The following PSMD1 variants were observed in gnomAD, a reference collection of about 807,000 sequenced individuals.
The protein encoded by PSMD1 is proteasome 26S subunit, non-ATPase 1, also known as 26S proteasome non-ATPase regulatory subunit 1.
In PSMD1, 18 loss-of-function variants were observed where a neutral mutation model predicts 119.0. The observed-to-expected ratio is 0.15, with a 90% CI of 0.10 to 0.22. The LOEUF (loss-of-function observed/expected upper bound fraction) is 0.22, where lower values mean the gene tolerates loss of function less well. PSMD1 is among the 10% of genes least tolerant of loss of function. The pLI is 1.00. For synonymous variants in PSMD1, 374 were observed against 396.6 expected, an observed-to-expected ratio of 0.94 and a Z score of 0.68; for missense variants, 702 against 1,158.5, an observed-to-expected ratio of 0.61 and a Z score of 5.72.
chr2:231,144,783 C>G (rs1050420636), intron 17 of PSMD1, among the ~76,000 whole-genome samples: 1 of 152,078 alleles, frequency 6.6e-6, no homozygotes, highest in Non-Finnish European at 1.5e-5. Flanking sequence ...AGTACTTACT[C>G]GACTTTGGGC....
intron 16 of PSMD1, among the ~76,000 whole-genome samples, chr2:231,117,353 A>C (rs1695378370): frequency 5.3e-5 from 8 of 152,112 alleles, no homozygotes; most frequent in Admixed American, 5.2e-4. Flanking sequence ...AATGGAAAGA[A>C]AGAAATGTGT....
At chr2:231,057,337 C>CT (rs1030163324) in intron 1 of PSMD1, among the ~76,000 whole-genome samples, 18 of 152,308 alleles carry the variant, frequency 1.2e-4, no homozygotes, top group African/African-American at 4.3e-4. Flanking sequence ...AAGGGCTTAC[C>CT]TTTTTTCTGT....
chr2:231,165,456 T>C (rs559586444), intron 22 of PSMD1, among the ~76,000 whole-genome samples, 170 bp downstream of exon 22: 2 of 152,128 alleles, frequency 1.3e-5, no homozygotes, highest in Non-Finnish European at 2.9e-5. Flanking sequence ...CTCGAAAATA[T>C]ATCCATTTGT....
intron 16 of PSMD1, chr2:231,108,749 A>T: frequency 6.2e-7 from 1 of 1,614,114 alleles, no homozygotes; most frequent in Non-Finnish European, 8.5e-7. Context: ...GAGAGTTTTT[A>T]CTGACTTTGT....
intron 16 of PSMD1, chr2:231,123,941 C>CT: frequency 1.6e-6 from 1 of 641,456 alleles, no homozygotes; most frequent in Non-Finnish European, 2.8e-6. Flanking sequence ...ATACACACAT[C>CT]TGTCCATGTT....
intron 16 of PSMD1, among the ~76,000 whole-genome samples, chr2:231,100,398 T>C (rs930193005): frequency 2.0e-5 from 3 of 152,132 alleles, no homozygotes; most frequent in African/African-American, 7.2e-5. Flanking sequence ...CTAAACTAAT[T>C]CTGATTGGCT....
chr2:231,107,977 A>AAACAGTTTCCTG (rs1242873728), intron 16 of PSMD1, among the ~76,000 whole-genome samples: 1 of 152,168 alleles, frequency 6.6e-6, no homozygotes, highest in Non-Finnish European at 1.5e-5. Flanking sequence ...CCTTCCATCA[A>AAACAGTTTCCTG]AACAGTTTCC....
rs1382986888 is a variant in PSMD1, at chr2:231,069,763, A to G, written c.511-262A>G. Among the ~76,000 whole-genome samples the G allele has an allele frequency of 5.3e-5, 8 of 152,246 alleles. No individual in the cohort carries two copies. In the East Asian group the frequency reaches 5.8e-4, roughly 11 times the overall value. Reference sequence around the variant, plus strand: ...ATTAACAGCATCACTTTATTATAGTATACTATGTTCATGTAATAGTGATTC... The same window carrying G: ...ATTAACAGCATCACTTTATTATAGTGTACTATGTTCATGTAATAGTGATTC... On this transcript the variant is annotated intron_variant, in intron 5 of 24. Coordinates refer to ENST00000308696, the MANE Select transcript of PSMD1 (RefSeq NM_002807.4).
At chr2:231,126,301 G>A (rs977367137) in intron 16 of PSMD1, among the ~76,000 whole-genome samples, 10 of 152,034 alleles carry the variant, frequency 6.6e-5, no homozygotes, top group African/African-American at 1.9e-4. Context: ...ACTGGGCGGC[G>A]GCGGAGGGGT....
At chr2:231,128,093 C>G (rs1695768645) in intron 16 of PSMD1, among the ~76,000 whole-genome samples, 1 of 152,170 alleles carries the variant, frequency 6.6e-6, no homozygotes, top group African/African-American at 2.4e-5. Flanking sequence ...TAAATATCAG[C>G]CAAGAACACT....
At chr2:231,120,098 C>T (rs553370828) in intron 16 of PSMD1, among the ~76,000 whole-genome samples, 2 of 151,912 alleles carry the variant, frequency 1.3e-5, no homozygotes, top group South Asian at 4.2e-4. Flanking sequence ...ACTACAGGCG[C>T]GTACCACCAT....
chr2:231,059,774 C>T (rs887932747), intron 1 of PSMD1, among the ~76,000 whole-genome samples: 10 of 152,180 alleles, frequency 6.6e-5, no homozygotes, highest in Admixed American at 1.3e-4. Context: ...GTTCCTATAA[C>T]GGCATAAGAG....
At chr2:231,148,848 G>T (rs1696305797) in intron 18 of PSMD1, among the ~76,000 whole-genome samples, 1 of 152,150 alleles carries the variant, frequency 6.6e-6, no homozygotes, top group Non-Finnish European at 1.5e-5. Context: ...TTTGGAGATG[G>T]TATACAGCAT....
chr2:231,086,313 A>C (rs1444762705), intron 15 of PSMD1, among the ~76,000 whole-genome samples: 2 of 152,180 alleles, frequency 1.3e-5, no homozygotes, highest in South Asian at 2.1e-4. Flanking sequence ...CAAAAGTGCT[A>C]GGATTACAGG....
intron 16 of PSMD1, among the ~76,000 whole-genome samples, chr2:231,095,698 G>A (rs1018665952): frequency 6.6e-6 from 1 of 152,160 alleles, no homozygotes; most frequent in African/African-American, 2.4e-5. Context: ...TTCTGCAAGG[G>A]GAATAGTATA....
At chr2:231,078,510 T>C (rs1044845223) in intron 9 of PSMD1, 149 bp from the exon 10 acceptor site, 12 of 457,214 alleles carry the variant, frequency 2.6e-5, no homozygotes, top group Non-Finnish European at 4.5e-5. Flanking sequence ...TTAGTCTTTA[T>C]AAAAGAAATA....
chr2:231,164,301 T>C (rs1321611897), intron 21 of PSMD1, among the ~76,000 whole-genome samples: 1 of 152,248 alleles, frequency 6.6e-6, no homozygotes, highest in Admixed American at 6.5e-5. Flanking sequence ...ATTATGTTCA[T>C]AGTTATTAAC....
At chr2:231,130,965 A>C (rs1364689223) in intron 16 of PSMD1, among the ~76,000 whole-genome samples, 1 of 152,238 alleles carries the variant, frequency 6.6e-6, no homozygotes, top group Non-Finnish European at 1.5e-5. Context: ...TAACTGAAAG[A>C]AAGCCTAGTG....
At chr2:231,091,748 T>G (rs1055151321) in intron 16 of PSMD1, among the ~76,000 whole-genome samples, 1 of 88,076 alleles carries the variant, frequency 1.1e-5, no homozygotes, top group African/African-American at 4.5e-5. Flanking sequence ...GATTCTAGAA[T>G]TTTAGTTTTA....
Sources: allele counts gnomAD v4.1 joint callset (sites outside exome capture counted in the v4.1 genomes callset), GRCh38; gene constraint gnomAD v4.1.1; transcripts MANE v1.5; gene names NCBI Gene and HGNC (gene_info 2026-07-23, HGNC 2026-07-21).